The following PDZRN4 variants were observed in gnomAD, a reference collection of about 807,000 sequenced individuals.
The protein encoded by PDZRN4 is PDZ domain containing ring finger 4.
In PDZRN4, 70 loss-of-function variants were observed where a neutral mutation model predicts 99.0. The observed-to-expected ratio is 0.71, with a 90% CI of 0.58 to 0.86. The LOEUF is 0.86. PDZRN4 is among the 40% of genes least tolerant of loss of function. The pLI is 0.00. For synonymous variants in PDZRN4, 551 were observed against 501.6 expected (o/e 1.10, Z -1.32); for missense variants, 1,474 against 1,331.2 (o/e 1.11, Z -1.67).
intron 3 of PDZRN4, among the ~76,000 whole-genome samples, chr12:41,261,224 C>G (rs1221268807): frequency 6.6e-6 from 1 of 151,984 alleles, no homozygotes; most frequent in African/African-American, 2.4e-5. Flanking sequence ...AACTACCTTT[C>G]GTTGCATTTC....
At chr12:41,376,397 T>C (rs1952080677) in intron 3 of PDZRN4, among the ~76,000 whole-genome samples, 1 of 152,152 alleles carries the variant, frequency 6.6e-6, no homozygotes, top group Non-Finnish European at 1.5e-5. Flanking sequence ...TGTTATCTCT[T>C]GTTTTTTTTA....
chr12:41,471,540 T>G (rs1952990003), intron 3 of PDZRN4, among the ~76,000 whole-genome samples: 1 of 149,244 alleles, frequency 6.7e-6, no homozygotes, highest in South Asian at 2.1e-4. Flanking sequence ...ATAATTTATT[T>G]ATATAATTTC....
chr12:41,479,084 C>T (rs1190093755), intron 3 of PDZRN4, among the ~76,000 whole-genome samples: 1 of 152,016 alleles, frequency 6.6e-6, no homozygotes, highest in Admixed American at 6.5e-5. Context: ...CATCCAAATA[C>T]TCAATATCAC....
chr12:41,285,836 C>A (rs1951418731), intron 3 of PDZRN4, among the ~76,000 whole-genome samples: 1 of 151,086 alleles, frequency 6.6e-6, no homozygotes, highest in Non-Finnish European at 1.5e-5. Context: ...GAACATCACA[C>A]AGTGGGGCCT....
intron 3 of PDZRN4, among the ~76,000 whole-genome samples, chr12:41,377,447 A>G (rs1194186385): frequency 6.6e-6 from 1 of 152,114 alleles, no homozygotes; most frequent in African/African-American, 2.4e-5. Flanking sequence ...GGCGGATCAC[A>G]AGGTCAGGAG....
chr12:41,508,517 A>G (rs1236363931), intron 4 of PDZRN4, among the ~76,000 whole-genome samples: 1 of 152,182 alleles, frequency 6.6e-6, no homozygotes, highest in Admixed American at 6.5e-5. Flanking sequence ...CGTCGAATGA[A>G]TAAAGTGTTC....
intron 3 of PDZRN4, among the ~76,000 whole-genome samples, chr12:41,229,370 G>A (rs1234433544): frequency 6.6e-6 from 1 of 151,882 alleles, no homozygotes; most frequent in Non-Finnish European, 1.5e-5. Flanking sequence ...AACCAAAAAT[G>A]GCAGGTTCAA....
Position 41,573,320 on chromosome 12 carries a change from C to G in PDZRN4, c.2541C>G (p.Ala847=). Residue 847 remains alanine (A), a synonymous_variant, in exon 10 of 10, where the codon GCC becomes GCG. Coordinates refer to ENST00000402685, the MANE Select transcript of PDZRN4 (RefSeq NM_001164595.2). ...GATATGCAAACATCCCAGCACACGC[C>G]CGGCATTATCAAAGCTACATGCAGT... ...SYRYANIPAH[A]RHYQSYMQLI... is the part of the protein sequence containing the mutation. 1 of 1,613,284 alleles carries G rather than the reference C, an allele frequency of 6.2e-7. No homozygotes were observed. Among genetic ancestry groups the G allele is most frequent in the Non-Finnish European group, 8.5e-7 (1 of 1,180,022 alleles).
chr12:41,326,389 T>C (rs1448452848), intron 3 of PDZRN4, among the ~76,000 whole-genome samples: 1 of 152,198 alleles, frequency 6.6e-6, no homozygotes, highest in Admixed American at 6.6e-5. Context: ...TTCTATCCTA[T>C]TTGCTTTTAT....
At chr12:41,312,175 A>G (rs1480099295) in intron 3 of PDZRN4, among the ~76,000 whole-genome samples, 1 of 151,866 alleles carries the variant, frequency 6.6e-6, no homozygotes, top group African/African-American at 2.4e-5. Context: ...CTTCATGATC[A>G]TTATATTTCA....
At chr12:41,364,560 T>G (rs1400340165) in intron 3 of PDZRN4, among the ~76,000 whole-genome samples, 1 of 152,138 alleles carries the variant, frequency 6.6e-6, no homozygotes, top group African/African-American at 2.4e-5. Flanking sequence ...TTTTCAAAAT[T>G]TAGAATTGAT....
chr12:41,273,803 A>C (rs1361105921), intron 3 of PDZRN4, among the ~76,000 whole-genome samples: 1 of 152,122 alleles, frequency 6.6e-6, no homozygotes, highest in Non-Finnish European at 1.5e-5. Context: ...ATTATAGTAG[A>C]AAATTACCAA....
intron 3 of PDZRN4, among the ~76,000 whole-genome samples, chr12:41,496,588 C>G (rs903117074): frequency 1.4e-4 from 21 of 152,064 alleles, no homozygotes; most frequent in African/African-American, 5.1e-4. Context: ...AAGAGCAGAG[C>G]AGCCCTGACC....
intron 3 of PDZRN4, among the ~76,000 whole-genome samples, chr12:41,325,629 C>T (rs1279395296): frequency 6.6e-6 from 1 of 152,124 alleles, no homozygotes; most frequent in Non-Finnish European, 1.5e-5. Flanking sequence ...TTAAGAGCAA[C>T]ACTCAAGGCC....
At chr12:41,395,762 T>C (rs964698042) in intron 3 of PDZRN4, among the ~76,000 whole-genome samples, 30 of 152,254 alleles carry the variant, frequency 2.0e-4, no homozygotes, top group Non-Finnish European at 1.0e-4. Context: ...AGTTTTATTG[T>C]TTATTTGGAA....
intron 3 of PDZRN4, among the ~76,000 whole-genome samples, chr12:41,423,885 A>T (rs1449151590): frequency 6.6e-6 from 1 of 152,178 alleles, no homozygotes; most frequent in Admixed American, 6.6e-5. Context: ...CACCATGAGG[A>T]AGAAGCTATA....
chr12:41,280,168 C>T (rs1220329820), intron 3 of PDZRN4, among the ~76,000 whole-genome samples: 1 of 152,164 alleles, frequency 6.6e-6, no homozygotes, highest in African/African-American at 2.4e-5. Context: ...CCATGAGGGA[C>T]GGTGCTATGC....
At chr12:41,465,165 T>C (rs1358440215) in intron 3 of PDZRN4, among the ~76,000 whole-genome samples, 1 of 152,116 alleles carries the variant, frequency 6.6e-6, no homozygotes, top group Non-Finnish European at 1.5e-5. Flanking sequence ...TGAATATGAA[T>C]AGCCAACTGT....
rs73115850 is a variant in PDZRN4, at chr12:41,571,645, A to C, written c.1585-719A>C. ...GTTGCTTTTGAGAAACATGATTTAGAGTGCACTGAGGTCAGAGCACATGTA... is the reference window on the plus strand; with the variant it reads ...GTTGCTTTTGAGAAACATGATTTAGCGTGCACTGAGGTCAGAGCACATGTA... On this transcript the variant is annotated intron_variant, in intron 9 of 9. Transcript: ENST00000402685. 8.5e-3 allele frequency among the ~76,000 whole-genome samples: 1,292 copies of C among 152,280 alleles called. 6 individuals are homozygous for C. The highest frequency in any genetic ancestry group is 0.027 in the Middle Eastern group (8 of 294).
Sources: allele counts gnomAD v4.1 joint callset (sites outside exome capture counted in the v4.1 genomes callset), GRCh38; gene constraint gnomAD v4.1.1; transcripts MANE v1.5; gene names NCBI Gene and HGNC (gene_info 2026-07-23, HGNC 2026-07-21).